The following FBRSL1 variants were observed in gnomAD, a reference collection of about 807,000 sequenced individuals.
The protein encoded by FBRSL1 is fibrosin like 1, also known as fibrosin-1-like protein.
Under a neutral mutation model 89.6 loss-of-function variants are expected in FBRSL1, and 51 were observed. The ratio of observed to expected loss-of-function variants is 0.57; its 90% confidence interval spans 0.45 to 0.72. The LOEUF is 0.72. FBRSL1 is among the 30% of genes least tolerant of loss of function. The pLI, the probability that FBRSL1 is intolerant of heterozygous loss-of-function variation, is 0.00. For missense variants in FBRSL1, 1,618 were observed against 1,451.8 expected, an observed-to-expected ratio of 1.11 and a Z score of -1.86; for synonymous variants, 779 against 681.1, an observed-to-expected ratio of 1.14 and a Z score of -2.24.
In FBRSL1 at chr12:132,585,184, T is replaced by C. The variant is rs2041043716; in HGVS notation, c.*1406T>C. On this transcript the variant is annotated 3_prime_UTR_variant, in exon 19 of 19. Coordinates refer to ENST00000680143, the MANE Select transcript of FBRSL1 (RefSeq NM_001367871.1). ...ACGATAAATACAGCCTTGATTTGGA[T>C]GAAACTGTGGTCGCGTGTTCTGTGG... 6.6e-6 allele frequency: 1 copy of C among 152,266 alleles called. No individual in the cohort carries two copies. The allele number at this position is 152,266 out of a possible 1,614,324, so 9.4% of individuals were successfully genotyped here.
chr12:132,507,939 G>A (rs546240188), intron 1 of FBRSL1, among the ~76,000 whole-genome samples: 29 of 152,236 alleles, frequency 1.9e-4, no homozygotes, highest in African/African-American at 7.0e-4. Context: ...GCTGAGCCCT[G>A]GGAAACTCCC....
At chr12:132,537,045 C>T (rs953540468) in intron 4 of FBRSL1, among the ~76,000 whole-genome samples, 2 of 152,074 alleles carry the variant, frequency 1.3e-5, no homozygotes, top group South Asian at 2.1e-4. Context: ...CGGCTGGTGG[C>T]CAGCTCTTGT....
At position 132,583,351 on chromosome 12, in the gene FBRSL1, C is replaced by T; in HGVS notation, c.2582C>T (p.Pro861Leu). The T allele has an allele frequency of 8.7e-7, 1 of 1,149,722 alleles. No individual in the cohort carries two copies. The highest frequency in any genetic ancestry group is 1.1e-6 in the Non-Finnish European group (1 of 932,836). The allele number at this position is 1,149,722 out of a possible 1,614,324, so 71.2% of individuals were successfully genotyped here. A position where few individuals can be genotyped will look rare whatever the true frequency, so the allele number is the denominator to read the frequency against. The change falls in exon 19 of 19, where the codon CCA (proline) becomes CTA (leucine). Residue 861 changes from proline (P) to leucine (L), a missense_variant. Physicochemically the swap from Pro to Leu is moderately conservative, Grantham distance 98. Coordinates refer to ENST00000680143, the MANE Select transcript of FBRSL1 (RefSeq NM_001367871.1). ...GAGCCTTTCCGCGGCCTGGAGCTGC[C>T]ACGTCGCGCCTTCCCCGCTGCCGCC... ...AWEPFRGLEL[P>L]RRAFPAAAPA...
At chr12:132,580,899 C>T (rs2040700539) in intron 15 of FBRSL1, 1 of 985,444 alleles carries the variant, frequency 1.0e-6, no homozygotes, top group East Asian at 1.1e-4. Context: ...CACACGGTTG[C>T]TCTCCAAGGG....
chr12:132,569,268 C>T (rs920123324), intron 6 of FBRSL1, among the ~76,000 whole-genome samples: 6 of 151,224 alleles, frequency 4.0e-5, no homozygotes, highest in Middle Eastern at 3.4e-3. Context: ...CTGCGGGGGA[C>T]GTGCCTAGGT....
chr12:132,505,701 C>T (rs2033600413), intron 1 of FBRSL1, among the ~76,000 whole-genome samples: 2 of 152,222 alleles, frequency 1.3e-5, no homozygotes, highest in South Asian at 4.1e-4. Flanking sequence ...GTGCCTCTCT[C>T]AGCAGCTGGG....
chr12:132,576,090 A>G (rs2040364890), intron 14 of FBRSL1, among the ~76,000 whole-genome samples: 2 of 152,180 alleles, frequency 1.3e-5, no homozygotes, highest in Admixed American at 1.3e-4. Flanking sequence ...AGTTTCATAT[A>G]ATTTTTAACA....
chr12:132,583,269 G>T lies in FBRSL1; in HGVS notation c.2500G>T (p.Ala834Ser), dbSNP rs919660494. ...GCCCCCGGCGGGCGGCCTGCACCCC[G>T]CGCCCCTGCAGCTCGGCCTGGGCCG... ...SEPPAGGLHPAPLQLGLGRER... is the reference protein window; with the variant it reads ...SEPPAGGLHPSPLQLGLGRER... Residue 834 changes from alanine to serine, a missense_variant, in exon 19 of 19, where the codon GCG becomes TCG. By Grantham distance (99) the Ala-to-Ser change is moderately conservative (BLOSUM62 1). Coordinates refer to ENST00000680143, the MANE Select transcript of FBRSL1 (RefSeq NM_001367871.1). The T allele has an allele frequency of 1.5e-6, 2 of 1,298,494 alleles. No homozygotes were observed. Among genetic ancestry groups the T allele is most frequent in the Non-Finnish European group, 2.0e-6 (2 of 1,023,148 alleles). The allele number at this position is 1,298,494 out of a possible 1,614,324, so 80.4% of individuals were successfully genotyped here.
At chr12:132,514,119 C>T (rs2034616528) in intron 2 of FBRSL1, among the ~76,000 whole-genome samples, 1 of 152,230 alleles carries the variant, frequency 6.6e-6, no homozygotes, top group Non-Finnish European at 1.5e-5. Flanking sequence ...AGCTCCGCCT[C>T]TGTTCTCGCG....
intron 5 of FBRSL1, among the ~76,000 whole-genome samples, chr12:132,557,378 C>T (rs1353863170): frequency 1.3e-5 from 2 of 152,352 alleles, no homozygotes; most frequent in East Asian, 3.9e-4. Flanking sequence ...AGACTTCTAA[C>T]CTCACTACAT....
chr12:132,516,849 T>C (rs1278426367), intron 2 of FBRSL1, among the ~76,000 whole-genome samples: 1 of 152,190 alleles, frequency 6.6e-6, no homozygotes, highest in Non-Finnish European at 1.5e-5. Flanking sequence ...GGGCCTCAGT[T>C]TTCCTGTCTG....
chr12:132,504,381 C>T (rs2033413091), intron 1 of FBRSL1, among the ~76,000 whole-genome samples: 3 of 152,182 alleles, frequency 2.0e-5, no homozygotes, highest in Non-Finnish European at 4.4e-5. Context: ...CATAGAATTG[C>T]TACAGGAAAA....
chr12:132,538,292 G>A (rs1169378218), intron 4 of FBRSL1, among the ~76,000 whole-genome samples: 1 of 152,212 alleles, frequency 6.6e-6, no homozygotes, highest in African/African-American at 2.4e-5. Context: ...CAGCTCTCAG[G>A]GAAAGTTCAG....
chr12:132,569,917 T>C lies in FBRSL1; in HGVS notation c.692-9T>C. 1 of 1,384,458 alleles carries C rather than the reference T, an allele frequency of 7.2e-7. No homozygotes were observed. Among genetic ancestry groups the C allele is most frequent in the Non-Finnish European group, 9.3e-7 (1 of 1,073,894 alleles). The allele number at this position is 1,384,458 out of a possible 1,614,324, so 85.8% of individuals were successfully genotyped here. On this transcript the variant is annotated splice_polypyrimidine_tract_variant and intron_variant, in intron 6 of 18. Coordinates refer to ENST00000680143, the MANE Select transcript of FBRSL1 (RefSeq NM_001367871.1). ...TGCTGGTCTGAACGCAGCCACCCTCTCTCTGCAGGCCCAGCGCTTGAGAAG... is the reference window on the plus strand; with the variant it reads ...TGCTGGTCTGAACGCAGCCACCCTCCCTCTGCAGGCCCAGCGCTTGAGAAG...
intron 17 of FBRSL1, 39 bp from the exon 18 acceptor site, chr12:132,582,023 G>C: frequency 2.7e-6 from 4 of 1,489,068 alleles, no homozygotes; most frequent in Non-Finnish European, 3.6e-6. Flanking sequence ...CTGGGGAGCA[G>C]ACAGACCCAA....
At position 132,508,244 on chromosome 12, in the gene FBRSL1, C is replaced by T. The variant is rs746440492; in HGVS notation, c.383C>T (p.Ala128Val). The T allele has an allele frequency of 7.7e-6, 12 of 1,550,892 alleles. No homozygotes were observed. The highest frequency in any genetic ancestry group is 2.4e-5 in the East Asian group (1 of 40,896). The stretch of plus-strand genomic sequence containing the variant: ...CGGGAGTCGGAAACCTGCCCCCCTG[C>T]GGAGCCCAGTGAGAACAGGCGGCCC... ...KPRESETCPP[A>V]EPSENRRPLE... Residue 128 changes from alanine (A) to valine (V), a missense_variant, in exon 2 of 19, where the codon GCG (alanine) becomes GTG (valine). Transcript: ENST00000680143.
At chr12:132,509,746 G>A (rs2034115344) in intron 2 of FBRSL1, 2 of 1,230,902 alleles carry the variant, frequency 1.6e-6, no homozygotes, top group South Asian at 4.1e-5. Flanking sequence ...GCCAGCCCGT[G>A]TCACTGTGGC....
intron 5 of FBRSL1, among the ~76,000 whole-genome samples, chr12:132,563,411 A>C (rs1256342928): frequency 4.5e-5 from 4 of 87,968 alleles, no homozygotes; most frequent in South Asian, 4.0e-4. Flanking sequence ...TCTGGTCCCC[A>C]CAGCCTGCAC....
In FBRSL1 at chr12:132,583,711, G is replaced by A; in HGVS notation, c.2942G>A (p.Gly981Asp). 1 of 1,201,368 alleles carries A rather than the reference G, an allele frequency of 8.3e-7. No individual in the cohort carries two copies. Among genetic ancestry groups the A allele is most frequent in the Non-Finnish European group, 1.0e-6 (1 of 968,460 alleles). 74.4% of individuals were successfully genotyped at this position (1,201,368 alleles called of 1,614,324 possible). Residue 981 changes from glycine to aspartate, a missense_variant, in exon 19 of 19, where the codon GGC becomes GAC. Coordinates refer to ENST00000680143, the MANE Select transcript of FBRSL1 (RefSeq NM_001367871.1). Reference sequence around the variant, plus strand: ...CGGAGCCGGACTACTCCGCTGGGGGGCCTCGGGCCGGGCGAGGCGCGCGAC... The same window carrying A: ...CGGAGCCGGACTACTCCGCTGGGGGACCTCGGGCCGGGCGAGGCGCGCGAC... ...PPRSRTTPLG[G>D]LGPGEARDYS...
Sources: allele counts gnomAD v4.1 joint callset (sites outside exome capture counted in the v4.1 genomes callset), GRCh38; gene constraint gnomAD v4.1.1; transcripts MANE v1.5; gene names NCBI Gene and HGNC (gene_info 2026-07-23, HGNC 2026-07-21).